The following GALNT11 variants were observed in gnomAD, a reference collection of about 807,000 sequenced individuals.
GALNT11 encodes UDP-GalNAc:polypeptide N-acetylgalactosaminyltransferase 11.
GALNT11 carries 47 observed loss-of-function variants against 72.7 expected under a neutral mutation model. That is an observed-to-expected ratio of 0.65 (90% confidence interval 0.51 to 0.82). The LOEUF is 0.82. Ranked by LOEUF, GALNT11 falls within the 40% of genes least tolerant of loss-of-function variation. The pLI is 0.00. For missense variants in GALNT11, 677 were observed against 778.4 expected (o/e 0.87, Z 1.55); for synonymous variants, 270 against 286.6 (o/e 0.94, Z 0.58).
chr7:152,099,756 C>CTT lies in GALNT11; in HGVS notation c.296-1020_296-1019dup, dbSNP rs959548417. On this transcript the variant is annotated intron_variant, in intron 2 of 11. Coordinates refer to ENST00000430044, the MANE Select transcript of GALNT11 (RefSeq NM_022087.4). Reference sequence around the variant, plus strand: ...GACAGTTAAACCAGAAACTGTGAAGCTTTTTTTTTTTTTTTTTTTTTTTGA... The same window carrying CTT: ...GACAGTTAAACCAGAAACTGTGAAGCTTTTTTTTTTTTTTTTTTTTTTTTTGA... Among the ~76,000 whole-genome samples the CTT allele has an allele frequency of 8.2e-3, 731 of 88,724 alleles. 4 individuals carry two copies. The highest frequency in any genetic ancestry group is 0.011 in the African/African-American group (227 of 20,616). The allele number at this position is 88,724 out of a possible 152,430, so 58.2% of individuals were successfully genotyped here. A position where few individuals can be genotyped will look rare whatever the true frequency, so the allele number is the denominator to read the frequency against.
intron 1 of GALNT11, among the ~76,000 whole-genome samples, chr7:152,060,119 G>T (rs2083916276): frequency 6.6e-6 from 1 of 152,202 alleles, no homozygotes; most frequent in Admixed American, 6.5e-5. Flanking sequence ...TTGTGGAGAT[G>T]ATATCTTTTT....
intron 1 of GALNT11, among the ~76,000 whole-genome samples, chr7:152,053,903 TTGAA>T (rs1203888005): frequency 2.6e-5 from 4 of 152,336 alleles, no homozygotes; most frequent in Non-Finnish European, 4.4e-5. Context: ...CTACTATACT[TTGAA>T]TGTAAGTATT....
intron 1 of GALNT11, among the ~76,000 whole-genome samples, chr7:152,046,514 T>C (rs1162259972): frequency 6.6e-6 from 1 of 152,220 alleles, no homozygotes; most frequent in African/African-American, 2.4e-5. Context: ...ACAGTTGTTA[T>C]AGTCTCTTGC....
chr7:152,108,447 T>A lies in GALNT11; in HGVS notation c.962+160T>A, dbSNP rs552648941. Reference sequence around the variant, plus strand: ...AGTACGTATTGAATTTTATGCAGTCTGCCAAGTCCTAAGGAAAGATTTATG... The same window carrying A: ...AGTACGTATTGAATTTTATGCAGTCAGCCAAGTCCTAAGGAAAGATTTATG... On this transcript the variant is annotated intron_variant, in intron 6 of 11. Coordinates refer to ENST00000430044, the MANE Select transcript of GALNT11 (RefSeq NM_022087.4). 1.1e-4 allele frequency among the ~76,000 whole-genome samples: 17 copies of A among 152,352 alleles called. No individual in the cohort carries two copies. The East Asian group carries it at 3.1e-3, about 28-fold the overall frequency.
chr7:152,088,726 C>A (rs1353722359), intron 1 of GALNT11, among the ~76,000 whole-genome samples: 1 of 152,070 alleles, frequency 6.6e-6, no homozygotes, highest in Non-Finnish European at 1.5e-5. Flanking sequence ...TTAAAATCAC[C>A]TAGAAATGTT....
intron 3 of GALNT11, among the ~76,000 whole-genome samples, chr7:152,102,309 C>T (rs141501387): frequency 0.029 from 4,387 of 151,530 alleles, 200 homozygotes; most frequent in African/African-American, 0.1. Flanking sequence ...TTTGGGAGGG[C>T]GCGGTGGGTG....
chr7:152,095,237 CTAT>C (rs2086298601), intron 2 of GALNT11, among the ~76,000 whole-genome samples: 1 of 152,100 alleles, frequency 6.6e-6, no homozygotes, highest in South Asian at 2.1e-4. Flanking sequence ...ATGCAAGACT[CTAT>C]TGTCTATGCC....
rs548115595 is a variant in GALNT11, at chr7:152,050,630, G to A, written c.-39+24746G>A. Among the ~76,000 whole-genome samples the A allele has an allele frequency of 1.7e-4, 26 of 152,266 alleles. No individual in the cohort carries two copies. In the South Asian group the frequency reaches 5.2e-3, roughly 30 times the overall value. Reference sequence around the variant, plus strand: ...AAGCACTCCCTTGGTGGTCCTGCTGGTGTCTTACTGGGCTGCGTGCCCTCC... The same window carrying A: ...AAGCACTCCCTTGGTGGTCCTGCTGATGTCTTACTGGGCTGCGTGCCCTCC... On this transcript the variant is annotated intron_variant, in intron 1 of 11. Coordinates refer to ENST00000430044, the MANE Select transcript of GALNT11 (RefSeq NM_022087.4).
At chr7:152,054,633 C>G (rs79009012) in intron 1 of GALNT11, among the ~76,000 whole-genome samples, 1 of 151,134 alleles carries the variant, frequency 6.6e-6, no homozygotes, top group East Asian at 1.9e-4. Context: ...TGCTGCAGTC[C>G]GCTGAGTAGC....
chr7:152,095,661 C>A (rs996924301), intron 2 of GALNT11, among the ~76,000 whole-genome samples: 1 of 152,018 alleles, frequency 6.6e-6, no homozygotes. Context: ...TTTCAAATAG[C>A]CAGTGGACAT....
At chr7:152,073,823 C>A (rs1464045835) in intron 1 of GALNT11, among the ~76,000 whole-genome samples, 1 of 152,102 alleles carries the variant, frequency 6.6e-6, no homozygotes, top group Non-Finnish European at 1.5e-5. Context: ...TTTTATTTGT[C>A]TTTTTGGTAA....
At chr7:152,110,235 C>T (rs2088034784) in intron 6 of GALNT11, among the ~76,000 whole-genome samples, 1 of 152,100 alleles carries the variant, frequency 6.6e-6, no homozygotes, top group South Asian at 2.1e-4. Flanking sequence ...GTGAGATTGT[C>T]AGAAGGAATG....
At chr7:152,113,952 T>C (rs2088565890) in intron 8 of GALNT11, among the ~76,000 whole-genome samples, 1 of 151,534 alleles carries the variant, frequency 6.6e-6, no homozygotes, top group Non-Finnish European at 1.5e-5. Flanking sequence ...TTTTTAGAGA[T>C]GGGATCTCAC....
intron 1 of GALNT11, among the ~76,000 whole-genome samples, chr7:152,063,566 T>A (rs1160837564): frequency 2.0e-5 from 3 of 152,226 alleles, no homozygotes; most frequent in African/African-American, 4.8e-5. Flanking sequence ...GGTGTCAATT[T>A]TAGATCTTTC....
At chr7:152,118,858 C>T in intron 10 of GALNT11, 76 bp downstream of exon 10, 1 of 1,152,854 alleles carries the variant, frequency 8.7e-7, no homozygotes, top group Non-Finnish European at 1.2e-6. Flanking sequence ...GCCAGTCACT[C>T]CTGAGGACAT....
chr7:152,068,942 G>A (rs1318119172), intron 1 of GALNT11, among the ~76,000 whole-genome samples: 4 of 152,162 alleles, frequency 2.6e-5, no homozygotes, highest in Middle Eastern at 3.4e-3. Context: ...TAAGATTTGA[G>A]GGAGGCATAT....
At position 152,103,096 on chromosome 7, in the gene GALNT11, A is replaced by G; in HGVS notation, c.420-16A>G. 7.6e-6 allele frequency: 12 copies of G among 1,585,076 alleles called. No individual in the cohort carries two copies. Among genetic ancestry groups the G allele is most frequent in the African/African-American group, 1.3e-5 (1 of 74,438 alleles). ...CCTTTTAAAATGTCAGAATTTCCTC[A>G]TCTTTATCTTTACAGATGTAAAGAA... is the stretch of plus-strand genomic sequence containing the variant. On this transcript the variant is annotated splice_polypyrimidine_tract_variant and intron_variant, in intron 3 of 11. Transcript: ENST00000430044.
At chr7:152,063,711 C>T (rs1261243612) in intron 1 of GALNT11, among the ~76,000 whole-genome samples, 1 of 152,176 alleles carries the variant, frequency 6.6e-6, no homozygotes, top group East Asian at 1.9e-4. Flanking sequence ...GCCTTCATTT[C>T]ATTATGTACC....
intron 6 of GALNT11, 56 bp from the exon 7 acceptor site, chr7:152,110,472 T>C (rs1468883809): frequency 1.2e-5 from 14 of 1,213,568 alleles, no homozygotes; most frequent in African/African-American, 9.2e-5. Flanking sequence ...TAAACAAAAG[T>C]AGTAGGTAAG....
Sources: allele counts gnomAD v4.1 joint callset (sites outside exome capture counted in the v4.1 genomes callset), GRCh38; gene constraint gnomAD v4.1.1; transcripts MANE v1.5; gene names NCBI Gene and HGNC (gene_info 2026-07-23, HGNC 2026-07-21).